The following CD72 variants were observed in gnomAD, a reference collection of about 807,000 sequenced individuals.
CD72 encodes the protein B-cell differentiation antigen CD72.
Under a neutral mutation model 50.7 loss-of-function variants are expected in CD72, and 28 were observed. The observed-to-expected ratio is 0.55, with a 90% confidence interval of 0.41 to 0.76. The LOEUF (loss-of-function observed/expected upper bound fraction) is 0.76. CD72 is among the 30% of genes least tolerant of loss of function. The pLI, the probability that CD72 is intolerant of heterozygous loss-of-function variation, is 0.00. For synonymous variants in CD72, 176 were observed against 171.2 expected (o/e 1.03, Z -0.22); for missense variants, 403 against 420.6 (o/e 0.96, Z 0.37).
intron 7 of CD72, 49 bp from the exon 8 acceptor site, chr9:35,610,802 C>T (rs780332255): frequency 4.0e-6 from 6 of 1,496,900 alleles, no homozygotes; most frequent in African/African-American, 2.7e-5. Flanking sequence ...CATATCCCAC[C>T]CTCCCTTCTC....
intron 1 of CD72, among the ~76,000 whole-genome samples, chr9:35,626,075 T>C (rs1447138341): frequency 1.3e-5 from 2 of 151,578 alleles, no homozygotes; most frequent in African/African-American, 4.9e-5. Context: ...ACAGCTGCCA[T>C]AGGGATTCCT....
In CD72 at chr9:35,613,011, T is replaced by C; in HGVS notation, c.689-18A>G. On this transcript the variant is annotated intron_variant, in intron 5 of 8. Coordinates refer to ENST00000259633, the MANE Select transcript of CD72 (RefSeq NM_001782.3). Reference sequence around the variant, plus strand: ...GCAGGTGTCTAAAAAGCAGAAAGAGTGTGATAGCAGCAACAGTTGGGATGA... The same window carrying C: ...GCAGGTGTCTAAAAAGCAGAAAGAGCGTGATAGCAGCAACAGTTGGGATGA... The C allele has an allele frequency of 6.3e-7, 1 of 1,597,838 alleles. No individual in the cohort carries two copies. The highest frequency in any genetic ancestry group is 8.6e-7 in the Non-Finnish European group (1 of 1,169,330).
At position 35,612,914 on chromosome 9, in the gene CD72, C is replaced by G. The variant is rs768132708; in HGVS notation, c.768G>C (p.Glu256Asp). ...YISLTSKNWQ[E>D]SQKQCETLSS... ...ACAGAGTTTCACATTGTTTTTGGCT[C>G]TCCTGCCAATTTTTTGAAGTAAGTG... Residue 256 changes from glutamate to aspartate, a missense_variant, in exon 6 of 9, where the codon GAG becomes GAC. By Grantham distance (45) the Glu-to-Asp change is conservative. Transcript: ENST00000259633. The G allele has an allele frequency of 6.2e-7, 1 of 1,613,964 alleles. No individual in the cohort carries two copies. Among genetic ancestry groups the G allele is most frequent in the African/African-American group, 1.3e-5 (1 of 74,916 alleles).
At chr9:35,629,077 T>C (rs1043511352) in intron 1 of CD72, among the ~76,000 whole-genome samples, 6 of 151,916 alleles carry the variant, frequency 3.9e-5, no homozygotes, top group Admixed American at 3.9e-4. Context: ...GGGGTCTCTC[T>C]AGTTGCCCAG....
chr9:35,620,920 A>G (rs1395520617), upstream of CD72, among the ~76,000 whole-genome samples: 1 of 152,186 alleles, frequency 6.6e-6, no homozygotes, highest in East Asian at 1.9e-4. Context: ...TCTCCTCTTT[A>G]GCTCTTTTGG....
chr9:35,645,278 A>G (rs1563901746), intron 1 of CD72, among the ~76,000 whole-genome samples: 1 of 151,858 alleles, frequency 6.6e-6, no homozygotes, highest in African/African-American at 2.4e-5. Flanking sequence ...GGGCATGTCT[A>G]GATTCAAGGT....
At position 35,616,691 on chromosome 9, in the gene CD72, T is replaced by TTAGG. The variant is rs1202892705; in HGVS notation, c.263-6_263-3dup. The TTAGG allele has an allele frequency of 6.2e-7, 1 of 1,612,152 alleles. No homozygotes were observed. Among genetic ancestry groups the TTAGG allele is most frequent in the Non-Finnish European group, 8.5e-7 (1 of 1,179,060 alleles). On this transcript the variant is annotated splice_polypyrimidine_tract_variant and splice_region_variant and intron_variant, in intron 3 of 8. Coordinates refer to ENST00000259633, the MANE Select transcript of CD72 (RefSeq NM_001782.3). ...GGTATCGCAGGCAGGTTGTGCGGCC[T>TTAGG]TAGGGGGACAGTGGGATGGATGAGG...
intron 2 of CD72, among the ~76,000 whole-genome samples, chr9:35,617,618 C>G (rs1478453395): frequency 6.6e-6 from 1 of 152,244 alleles, no homozygotes; most frequent in Non-Finnish European, 1.5e-5. Flanking sequence ...CCCCACAGGG[C>G]TGCCCTATCC....
intron 1 of CD72, among the ~76,000 whole-genome samples, chr9:35,640,640 T>C (rs1173367329): frequency 6.6e-6 from 1 of 152,108 alleles, no homozygotes; most frequent in African/African-American, 2.4e-5. Context: ...TCTGGAGGGA[T>C]GGGAGTCAGC....
chr9:35,624,239 A>G (rs953710122), upstream of CD72, among the ~76,000 whole-genome samples: 8 of 147,268 alleles, frequency 5.4e-5, no homozygotes, highest in South Asian at 2.1e-4. Flanking sequence ...TAATAATAAT[A>G]ATAATAATAA....
Position 35,611,927 on chromosome 9 carries a change from G to A in CD72, c.835-8C>T. ...TAAGAAGTAGTAAGAGTGCTGAGGG[G>A]AGATTCAGAGAGACCAGAGATACAT... On this transcript the variant is annotated splice_region_variant and splice_polypyrimidine_tract_variant and intron_variant, in intron 6 of 8. Transcript: ENST00000259633. 7.7e-7 allele frequency: 1 copy of A among 1,298,166 alleles called. No homozygotes were observed. Among genetic ancestry groups the A allele is most frequent in the Non-Finnish European group, 1.1e-6 (1 of 891,752 alleles). 80.4% of individuals were successfully genotyped at this position (1,298,166 alleles called of 1,614,324 possible).
chr9:35,645,397 C>T (rs890924300), intron 1 of CD72, among the ~76,000 whole-genome samples: 1 of 151,996 alleles, frequency 6.6e-6, no homozygotes, highest in East Asian at 1.9e-4. Context: ...GCCTGGCCAA[C>T]ACGGTGAAAC....
intron 8 of CD72, 100 bp from the exon 9 acceptor site, chr9:35,610,400 G>A: frequency 2.1e-6 from 1 of 472,876 alleles, no homozygotes; most frequent in Non-Finnish European, 3.8e-6. Flanking sequence ...CACACCACCA[G>A]CCTCCCATAA....
chr9:35,637,904 T>C (rs1486062866), intron 1 of CD72, among the ~76,000 whole-genome samples: 1 of 152,176 alleles, frequency 6.6e-6, no homozygotes, highest in African/African-American at 2.4e-5. Flanking sequence ...TCCTTCACTA[T>C]GGGCAACCTT....
In CD72 at chr9:35,618,349, G is replaced by C; in HGVS notation, c.-46C>G. Reference sequence around the variant, plus strand: ...CCACTCGTCTTCCCTGTCATCCACTGTCCTCCCTTGCCCCTCTCGTCTCTG... The same window carrying C: ...CCACTCGTCTTCCCTGTCATCCACTCTCCTCCCTTGCCCCTCTCGTCTCTG... On this transcript the variant is annotated 5_prime_UTR_variant, in exon 1 of 9. Coordinates refer to ENST00000259633, the MANE Select transcript of CD72 (RefSeq NM_001782.3). The C allele has an allele frequency of 6.2e-7, 1 of 1,612,672 alleles. No homozygotes were observed. Among genetic ancestry groups the C allele is most frequent in the Non-Finnish European group, 8.5e-7 (1 of 1,179,328 alleles).
Position 35,616,611 on chromosome 9 carries a change from A to C in CD72, c.341T>G (p.Leu114Arg). The change falls in exon 4 of 9, where the codon CTG (leucine) becomes CGG (arginine). Residue 114 changes from leucine to arginine, a missense_variant. Physicochemically the swap from Leu to Arg is moderately radical, Grantham distance 102 (BLOSUM62 -2). Coordinates refer to ENST00000259633, the MANE Select transcript of CD72 (RefSeq NM_001782.3). ...CLLLGVTAIC[L>R]GVRYLQVSQQ... ...ACAGCCTTACTCACAGCGCACTCCC[A>C]GGCAGATGGCGGTCACTCCTAACAG... The C allele has an allele frequency of 6.2e-7, 1 of 1,613,730 alleles. No homozygotes were observed. Among genetic ancestry groups the C allele is most frequent in the Non-Finnish European group, 8.5e-7 (1 of 1,179,692 alleles).
intron 1 of CD72, among the ~76,000 whole-genome samples, chr9:35,638,933 C>T (rs533397480): frequency 6.6e-5 from 10 of 152,282 alleles, no homozygotes; most frequent in Admixed American, 3.3e-4. Context: ...AAGGTAAAGG[C>T]GAAAACCCAG....
Position 35,610,705 on chromosome 9 carries a change from T to C in CD72, c.999A>G (p.Ser333=). ...SKCNKVHKTW[S]WWTLESESCR... ...ATGACTCTGACTCCAGTGTCCACCA[T>C]GACCAAGTTTTATGTACCTTGTTAC... The change falls in exon 8 of 9, where the codon TCA becomes TCG. Residue 333 remains serine (S), a synonymous_variant. Transcript: ENST00000259633. 1 of 1,612,456 alleles carries C rather than the reference T, an allele frequency of 6.2e-7. No homozygotes were observed. Among genetic ancestry groups the C allele is most frequent in the Non-Finnish European group, 8.5e-7 (1 of 1,178,538 alleles).
intron 1 of CD72, among the ~76,000 whole-genome samples, chr9:35,632,254 T>C (rs1209140866): frequency 1.3e-5 from 2 of 151,554 alleles, no homozygotes; most frequent in African/African-American, 4.8e-5. Flanking sequence ...CTCGGCTCAC[T>C]GCAAGCTCCG....
Sources: allele counts gnomAD v4.1 joint callset (sites outside exome capture counted in the v4.1 genomes callset), GRCh38; gene constraint gnomAD v4.1.1; transcripts MANE v1.5; gene names NCBI Gene and HGNC (gene_info 2026-07-23, HGNC 2026-07-21).